The following DOCK1 variants were observed in gnomAD, a reference collection of about 807,000 sequenced individuals.
The protein encoded by DOCK1 is dedicator of cytokinesis protein 1.
A neutral mutation model predicts 262.7 loss-of-function variants in DOCK1; 138 were observed. The observed-to-expected ratio is 0.53, with a 90% CI of 0.46 to 0.61. DOCK1 has a LOEUF of 0.61. Among genes scored for constraint, DOCK1 ranks in the 20% least tolerant of loss-of-function variants. The pLI is 0.00. For synonymous variants in DOCK1, 866 were observed against 867.4 expected, an observed-to-expected ratio of 1.00 and a Z score of 0.03; for missense variants, 1,908 against 2,370.7, an observed-to-expected ratio of 0.80 and a Z score of 4.05.
intron 1 of DOCK1, among the ~76,000 whole-genome samples, chr10:126,942,608 G>A (rs2035102175): frequency 6.6e-6 from 1 of 151,938 alleles, no homozygotes. Flanking sequence ...CCCCGAGGGA[G>A]CCGAGCCAGC....
chr10:127,262,081 T>G (rs1372868776), intron 29 of DOCK1, among the ~76,000 whole-genome samples: 2 of 147,278 alleles, frequency 1.4e-5, no homozygotes, highest in African/African-American at 5.1e-5. Context: ...CATGTGGGTG[T>G]GTGTGTGTAC....
At chr10:127,088,195 C>T (rs2047311830) in intron 23 of DOCK1, among the ~76,000 whole-genome samples, 1 of 152,146 alleles carries the variant, frequency 6.6e-6, no homozygotes, top group African/African-American at 2.4e-5. Flanking sequence ...CATCAAACAC[C>T]AAACCTTTTA....
Position 127,101,262 on chromosome 10 carries a change from A to G in DOCK1, c.2446-4969A>G, listed in dbSNP as rs189178337. 3.0e-3 allele frequency among the ~76,000 whole-genome samples: 450 copies of G among 152,148 alleles called. 3 individuals carry two copies. Among genetic ancestry groups the G allele is most frequent in the Middle Eastern group, 6.8e-3 (2 of 294 alleles). On this transcript the variant is annotated intron_variant, in intron 23 of 51. Coordinates refer to ENST00000623213, the MANE Select transcript of DOCK1 (RefSeq NM_001290223.2). Reference sequence around the variant, plus strand: ...GTGGGGGTCAGGCTTGAGAAGAGCAAAGAAAGACTGAGTCAGCCACAGGGG... The same window carrying G: ...GTGGGGGTCAGGCTTGAGAAGAGCAGAGAAAGACTGAGTCAGCCACAGGGG...
At chr10:127,263,497 A>G (rs918387631) in intron 29 of DOCK1, among the ~76,000 whole-genome samples, 2 of 152,232 alleles carry the variant, frequency 1.3e-5, no homozygotes, top group Non-Finnish European at 2.9e-5. Context: ...GCTGTGCTCT[A>G]GGATATGAGA....
intron 38 of DOCK1, among the ~76,000 whole-genome samples, chr10:127,391,396 T>G (rs2066470782): frequency 6.6e-6 from 1 of 151,946 alleles, no homozygotes; most frequent in Non-Finnish European, 1.5e-5. Flanking sequence ...CAAGATAAGG[T>G]GTAAGAAATC....
intron 33 of DOCK1, among the ~76,000 whole-genome samples, chr10:127,366,523 A>G (rs991049970): frequency 6.6e-6 from 1 of 151,768 alleles, no homozygotes; most frequent in African/African-American, 2.4e-5. Context: ...CTGCGCAATC[A>G]CCATTGCACT....
chr10:127,371,914 A>T (rs546865662), intron 33 of DOCK1, among the ~76,000 whole-genome samples: 8 of 152,368 alleles, frequency 5.3e-5, no homozygotes, highest in African/African-American at 1.9e-4. Context: ...GTTATTTTAC[A>T]GTAAAAATCG....
chr10:127,158,894 T>C (rs998587723), intron 27 of DOCK1, among the ~76,000 whole-genome samples: 2 of 152,080 alleles, frequency 1.3e-5, no homozygotes, highest in Non-Finnish European at 2.9e-5. Context: ...AGCTCTCTTT[T>C]TTTGGTGCTT....
intron 30 of DOCK1, among the ~76,000 whole-genome samples, chr10:127,341,951 G>A (rs996224045): frequency 3.9e-5 from 6 of 152,132 alleles, no homozygotes; most frequent in Admixed American, 2.0e-4. Context: ...AAACACCACC[G>A]TCACCACCAT....
chr10:127,087,239 G>A (rs2047250932), intron 23 of DOCK1, among the ~76,000 whole-genome samples: 1 of 152,216 alleles, frequency 6.6e-6, no homozygotes, highest in African/African-American at 2.4e-5. Context: ...AGTAATGTGA[G>A]TTTTCAGGAG....
chr10:127,000,884 A>C (rs543074524), intron 10 of DOCK1: 8 of 155,686 alleles, frequency 5.1e-5, no homozygotes, highest in African/African-American at 7.5e-5. Flanking sequence ...GGTGCTCTTT[A>C]TCTGCCATGT....
rs756231427 is a variant in DOCK1 at position 127,410,876 on chromosome 10, T to A, written c.4380T>A (p.Tyr1460Ter). 1 of 1,613,896 alleles carries A rather than the reference T, an allele frequency of 6.2e-7. No homozygotes were observed. The highest frequency in any genetic ancestry group is 8.5e-7 in the Non-Finnish European group (1 of 1,179,866). The change falls in exon 43 of 52, where the codon TAT (tyrosine) becomes TAA (stop). Residue 1460 changes from tyrosine to a stop codon, truncating the protein, a stop_gained. Coordinates refer to ENST00000623213, the MANE Select transcript of DOCK1 (RefSeq NM_001290223.2). LOFTEE classifies it high-confidence loss of function. ...TGAACGAGGTCCAGCGATTTGAATATTCTCGGCCAATCCGGAAGGGAGAGA... is the reference window on the plus strand; with the variant it reads ...TGAACGAGGTCCAGCGATTTGAATAATCTCGGCCAATCCGGAAGGGAGAGA... ...YRVNEVQRFE[Y>*]SRPIRKGEKN...
At chr10:127,228,798 TGAC>T (rs1056020242) in intron 27 of DOCK1, among the ~76,000 whole-genome samples, 32 of 152,382 alleles carry the variant, frequency 2.1e-4, no homozygotes, top group African/African-American at 6.7e-4. Context: ...TTGTTTAAAT[TGAC>T]GAATAAAAAT....
intron 1 of DOCK1, among the ~76,000 whole-genome samples, chr10:126,954,656 A>G (rs1477262624): frequency 2.6e-5 from 4 of 152,162 alleles, no homozygotes; most frequent in Non-Finnish European, 5.9e-5. Flanking sequence ...TGACTACTCT[A>G]AGAACTTCGT....
chr10:127,447,135 G>A (rs918820770), intron 50 of DOCK1, among the ~76,000 whole-genome samples: 1 of 152,144 alleles, frequency 6.6e-6, no homozygotes, highest in African/African-American at 2.4e-5. Flanking sequence ...ACAGTGGCTC[G>A]ATGCCTTGCT....
intron 4 of DOCK1, among the ~76,000 whole-genome samples, chr10:126,984,974 C>CTTTTTTTTTTTTTTTTTTTTT (rs553086410): frequency 1.2e-5 from 1 of 85,128 alleles, no homozygotes; most frequent in Non-Finnish European, 2.1e-5. Context: ...ATGTCCCATT[C>CTTTTTTTTTTTTTTTTTTTTT]TTTTTTTTTT....
At chr10:127,382,903 T>C (rs1252911277) in intron 37 of DOCK1, among the ~76,000 whole-genome samples, 19 of 152,382 alleles carry the variant, frequency 1.2e-4, no homozygotes, top group Admixed American at 1.1e-3. Context: ...ACAACTCAAA[T>C]CGATAGGCCC....
At position 126,987,596 on chromosome 10, in the gene DOCK1, C is replaced by T. The variant is rs1346064692; in HGVS notation, c.303C>T (p.Thr101=). Reference sequence around the variant, plus strand: ...CCACGACACTCCGAGAGTGGTCCACCATCTGGAGGCAGCTCTACGTGGTGA... The same window carrying T: ...CCACGACACTCCGAGAGTGGTCCACTATCTGGAGGCAGCTCTACGTGGTGA... ...EVTTTLREWS[T]IWRQLYVQDN... is the part of the protein sequence containing the mutation. The change falls in exon 5 of 52, where the codon ACC becomes ACT. Residue 101 remains threonine (T), a synonymous_variant. Transcript: ENST00000623213. 9 of 1,567,256 alleles carry T rather than the reference C, an allele frequency of 5.7e-6. No individual in the cohort carries two copies. The highest frequency in any genetic ancestry group is 1.2e-5 in the South Asian group (1 of 84,842).
intron 28 of DOCK1, among the ~76,000 whole-genome samples, chr10:127,250,469 T>C (rs2059586605): frequency 6.6e-6 from 1 of 152,086 alleles, no homozygotes; most frequent in African/African-American, 2.4e-5. Context: ...GAAAAATCAA[T>C]GATTTGTAGA....
Sources: gnomAD v4.1 joint callset for allele counts (sites outside exome capture counted in the v4.1 genomes callset) on GRCh38, gnomAD v4.1.1 for gene constraint, MANE v1.5 for transcripts, NCBI Gene and HGNC (gene_info 2026-07-23, HGNC 2026-07-21) for gene names.